The following GALNT2 variants were observed in gnomAD, a reference collection of about 807,000 sequenced individuals.
The protein encoded by GALNT2 is polypeptide N-acetylgalactosaminyltransferase 2, also known as UDP-GalNAc:polypeptide N-acetylgalactosaminyltransferase 2.
A neutral mutation model predicts 81.4 loss-of-function variants in GALNT2; 31 were observed. The ratio of observed to expected loss-of-function variants is 0.38; its 90% CI spans 0.29 to 0.51. The LOEUF is 0.51. Ranked by LOEUF, GALNT2 falls within the 20% of genes least tolerant of loss-of-function variation. GALNT2 has a pLI of 0.87. For synonymous variants in GALNT2, 303 were observed against 287.4 expected (o/e 1.05, Z -0.55); for missense variants, 629 against 765.7 (o/e 0.82, Z 2.11).
intron 1 of GALNT2, among the ~76,000 whole-genome samples, chr1:230,150,900 T>A (rs1998065): frequency 2.0e-5 from 3 of 152,088 alleles, no homozygotes; most frequent in Non-Finnish European, 4.4e-5. Flanking sequence ...TTTGCTTCCC[T>A]AAGGAATCTA....
At chr1:230,237,982 T>C (rs1665083813) in intron 6 of GALNT2, among the ~76,000 whole-genome samples, 1 of 152,252 alleles carries the variant, frequency 6.6e-6, no homozygotes, top group Non-Finnish European at 1.5e-5. Flanking sequence ...GTATTAACTT[T>C]CCGCTAGAAT....
intron 2 of GALNT2, among the ~76,000 whole-genome samples, 153 bp from the exon 3 acceptor site, chr1:230,202,984 C>T (rs1663948447): frequency 2.0e-5 from 3 of 152,178 alleles, no homozygotes; most frequent in Admixed American, 6.5e-5. Context: ...ATGATGCTTG[C>T]TTGTGCTGTT....
chr1:230,220,332 A>G lies in GALNT2; in HGVS notation c.375-15682A>G, dbSNP rs1272421254. Among the ~76,000 whole-genome samples, 3 of 151,926 alleles carry G rather than the reference A, an allele frequency of 2.0e-5. No homozygotes were observed. In the East Asian group the frequency reaches 5.8e-4, roughly 29 times the overall value. ...AGATTAGGAATTATGGACCCTCGCT[A>G]GGTAAATAAAGAAGAATACCATTGA... is the stretch of plus-strand genomic sequence containing the variant. On this transcript the variant is annotated intron_variant, in intron 3 of 15. Coordinates refer to ENST00000366672, the MANE Select transcript of GALNT2 (RefSeq NM_004481.5).
rs145013611 is a variant in GALNT2, at chr1:230,214,818, T to G, written c.374+11528T>G. Among the ~76,000 whole-genome samples, 208 of 152,342 alleles carry G rather than the reference T, an allele frequency of 1.4e-3. 1 individual carries two copies. In the Middle Eastern group the frequency reaches 0.017, roughly 12 times the overall value. ...AAGCTCTTTTCTGTACTTTTTATTC[T>G]TTTTGATTCCCTGTGTCTCAGTCTG... On this transcript the variant is annotated intron_variant, in intron 3 of 15. Coordinates refer to ENST00000366672, the MANE Select transcript of GALNT2 (RefSeq NM_004481.5).
At chr1:230,123,882 C>G (rs1340169047) in intron 1 of GALNT2, among the ~76,000 whole-genome samples, 3 of 152,166 alleles carry the variant, frequency 2.0e-5, no homozygotes, top group African/African-American at 4.8e-5. Context: ...AGATGTGATA[C>G]AGAAACCAAA....
At chr1:230,258,999 G>A (rs1665798994) in intron 11 of GALNT2, 1 of 152,072 alleles carries the variant, frequency 6.6e-6, no homozygotes, top group Admixed American at 6.5e-5. Context: ...GCTGATCCAG[G>A]GTTTCATTAT....
chr1:230,262,374 C>T (rs539813339), intron 11 of GALNT2, 199 bp from the exon 12 acceptor site: 42 of 556,072 alleles, frequency 7.6e-5, no homozygotes, highest in Middle Eastern at 8.3e-4. Context: ...AGTAAGCACC[C>T]GCTGAGGCTG....
At chr1:230,214,244 C>G (rs760142982) in intron 3 of GALNT2, among the ~76,000 whole-genome samples, 1 of 152,046 alleles carries the variant, frequency 6.6e-6, no homozygotes, top group Non-Finnish European at 1.5e-5. Flanking sequence ...TCCCAAGTAA[C>G]TGGGATTACA....
Position 230,149,695 on chromosome 1 carries a change from C to T in GALNT2, c.127-28523C>T, listed in dbSNP as rs531162827. 1.4e-4 allele frequency among the ~76,000 whole-genome samples: 21 copies of T among 152,250 alleles called. No homozygotes were observed. In the South Asian group the frequency reaches 4.4e-3, roughly 32 times the overall value. On this transcript the variant is annotated intron_variant, in intron 1 of 15. Coordinates refer to ENST00000366672, the MANE Select transcript of GALNT2 (RefSeq NM_004481.5). The stretch of plus-strand genomic sequence containing the variant: ...GGCTTTTTGTTTTGTTGTTTTATGC[C>T]TCAGCCATGTAAATATAAACAGATA...
chr1:230,109,254 C>T (rs888314320), intron 1 of GALNT2, among the ~76,000 whole-genome samples: 8 of 152,112 alleles, frequency 5.3e-5, no homozygotes, highest in Admixed American at 6.5e-5. Context: ...TGCAGGTGAG[C>T]GGGTGCAGGG....
intron 2 of GALNT2, among the ~76,000 whole-genome samples, chr1:230,195,060 G>T (rs1488852218): frequency 6.6e-6 from 1 of 152,204 alleles, no homozygotes; most frequent in African/African-American, 2.4e-5. Flanking sequence ...AGGTTAGAAG[G>T]GTATTGAAGT....
intron 14 of GALNT2, among the ~76,000 whole-genome samples, chr1:230,269,295 C>T (rs1453106926): frequency 2.0e-5 from 3 of 151,570 alleles, no homozygotes; most frequent in East Asian, 1.9e-4. Context: ...AAGCCATTCT[C>T]CTGCCTCAGC....
intron 9 of GALNT2, 38 bp downstream of exon 9, chr1:230,249,309 G>A (rs377020573): frequency 1.0e-5 from 16 of 1,582,308 alleles, no homozygotes; most frequent in Non-Finnish European, 1.4e-5. Context: ...CCTCCCAGAT[G>A]AGACCCCAGG....
At chr1:230,184,763 C>A (rs563158568) in intron 2 of GALNT2, among the ~76,000 whole-genome samples, 1 of 151,986 alleles carries the variant, frequency 6.6e-6, no homozygotes, top group Non-Finnish European at 1.5e-5. Context: ...CCTTAATTTG[C>A]GTTTTGGTGT....
At chr1:230,164,144 A>G (rs138266443) in intron 1 of GALNT2, among the ~76,000 whole-genome samples, 2 of 152,330 alleles carry the variant, frequency 1.3e-5, no homozygotes, top group East Asian at 3.9e-4. Flanking sequence ...CTCCTCTACA[A>G]TGCCTGGCAC....
At chr1:230,266,633 C>T (rs1215476377) in intron 14 of GALNT2, among the ~76,000 whole-genome samples, 1 of 152,206 alleles carries the variant, frequency 6.6e-6, no homozygotes, top group East Asian at 1.9e-4. Context: ...TTAGCAGTTA[C>T]TTGCAATGGC....
intron 1 of GALNT2, among the ~76,000 whole-genome samples, chr1:230,140,743 T>C (rs535304075): frequency 6.6e-5 from 10 of 152,336 alleles, no homozygotes; most frequent in Non-Finnish European, 1.3e-4. Context: ...CCTTCCCCTT[T>C]TCCTCAGGGA....
At chr1:230,120,201 C>T (rs576563206) in intron 1 of GALNT2, among the ~76,000 whole-genome samples, 1 of 152,146 alleles carries the variant, frequency 6.6e-6, no homozygotes, top group African/African-American at 2.4e-5. Flanking sequence ...AAAGGCTACA[C>T]CTGGGATTCT....
rs1039123031 is a variant in GALNT2 at position 230,275,361 on chromosome 1, A to T, written c.1560+797A>T. Among the ~76,000 whole-genome samples, 1 of 151,502 alleles carries T rather than the reference A, an allele frequency of 6.6e-6. No homozygotes were observed. Among genetic ancestry groups the T allele is most frequent in the African/African-American group, 2.4e-5 (1 of 41,218 alleles). ...ATGTATACATATATATACATGCCAC[A>T]TATACATCTATAAACACCACATGTA... On this transcript the variant is annotated intron_variant, in intron 15 of 15. Transcript: ENST00000366672. This position sits in a 1 kb window ranked among gnomAD's most constrained non-coding sequence, Gnocchi z 5.5.
Sources: allele counts gnomAD v4.1 joint callset (sites outside exome capture counted in the v4.1 genomes callset), GRCh38; gene constraint gnomAD v4.1.1; non-coding constraint Gnocchi (gnomAD v3.1); transcripts MANE v1.5; gene names NCBI Gene and HGNC (gene_info 2026-07-23, HGNC 2026-07-21).